Variants in MDC1 observed in about 807,000 individuals in gnomAD.
MDC1 encodes mediator of DNA damage checkpoint 1.
In MDC1, 81 loss-of-function variants were observed where a neutral mutation model predicts 142.5. The observed-to-expected ratio is 0.57, with a 90% CI of 0.47 to 0.68. The LOEUF (loss-of-function observed/expected upper bound fraction) is 0.68. Among genes scored for constraint, MDC1 ranks in the 30% least tolerant of loss-of-function variants. The pLI, the probability that MDC1 is intolerant of heterozygous loss-of-function variation, is 0.00. For missense variants in MDC1, 2,119 were observed against 2,547.9 expected (o/e 0.83, Z 3.62); for synonymous variants, 797 against 968.4 (o/e 0.82, Z 3.29).
chr6:30,703,365 G>A lies in MDC1; in HGVS notation c.5682+53C>T, dbSNP rs542177528. On this transcript the variant is annotated intron_variant, in intron 11 of 14. Coordinates refer to ENST00000376406, the MANE Select transcript of MDC1 (RefSeq NM_014641.3). The surrounding 1 kb of genome is among the most constrained non-coding windows in gnomAD (Gnocchi z 4.4). ...TCTCTACAATCCTCTAGGTCTCCTT[G>A]CATCCTCCCCTCATCTCTGTCTCCC... The A allele has an allele frequency of 3.1e-6, 5 of 1,613,034 alleles. No individual in the cohort carries two copies. The highest frequency in any genetic ancestry group is 2.7e-5 in the African/African-American group (2 of 75,040).
chr6:30,710,785 G>A (rs528742552), intron 7 of MDC1, among the ~76,000 whole-genome samples: 2 of 152,280 alleles, frequency 1.3e-5, no homozygotes, highest in Middle Eastern at 3.4e-3. Context: ...CTGCAATAGT[G>A]TGTGTGTGTT....
chr6:30,703,084 A>G lies in MDC1; in HGVS notation c.5865+20T>C, dbSNP rs1255324743. ...AGTCTTGCCACTATATCGGTCTGTC[A>G]TCATCCCTTGGCCTCTCACCTGATG... On this transcript the variant is annotated intron_variant, in intron 12 of 14. Transcript: ENST00000376406. This position sits in a 1 kb window ranked among gnomAD's most constrained non-coding sequence, Gnocchi z 4.4. 1 of 1,608,682 alleles carries G rather than the reference A, an allele frequency of 6.2e-7. No homozygotes were observed. Among genetic ancestry groups the G allele is most frequent in the Non-Finnish European group, 8.5e-7 (1 of 1,177,126 alleles).
At position 30,700,639 on chromosome 6, in the gene MDC1, A is replaced by T; in HGVS notation, c.6103-7T>A. 2 of 1,612,590 alleles carry T rather than the reference A, an allele frequency of 1.2e-6. No homozygotes were observed. ...TGATCACAACTCTCTGAGGCTGGGG[A>T]AGACAGAGCAAAGGCAAAATCAGGT... On this transcript the variant is annotated splice_polypyrimidine_tract_variant and splice_region_variant and intron_variant, in intron 14 of 14. Coordinates refer to ENST00000376406, the MANE Select transcript of MDC1 (RefSeq NM_014641.3).
At chr6:30,706,546 C>T (rs866275245) in intron 9 of MDC1, among the ~76,000 whole-genome samples, 1 of 146,606 alleles carries the variant, frequency 6.8e-6, no homozygotes, top group South Asian at 2.2e-4. Context: ...GGCGTGAACT[C>T]GGGAGGCGGA....
In MDC1 at chr6:30,715,169, C is replaced by T. The variant is rs753991108; in HGVS notation, c.7G>A (p.Asp3Asn). 6.2e-7 allele frequency: 1 copy of T among 1,614,088 alleles called. No homozygotes were observed. The highest frequency in any genetic ancestry group is 1.1e-5 in the South Asian group (1 of 91,078). ...ACATCCCAGTCAATAGCCTGGGTGT[C>T]CTCCATGATCTGGGAAGGATACACA... ME[D>N]TQAIDWDVEE... The change falls in exon 2 of 15, where the codon GAC becomes AAC. Residue 3 changes from aspartate to asparagine, a missense_variant. By Grantham distance (23) the Asp-to-Asn change is conservative. Coordinates refer to ENST00000376406, the MANE Select transcript of MDC1 (RefSeq NM_014641.3). This position sits in a 1 kb window ranked among gnomAD's most constrained non-coding sequence, Gnocchi z 4.1.
At position 30,700,417 on chromosome 6, in the gene MDC1, A is replaced by T; in HGVS notation, c.*48T>A. 1 of 1,575,234 alleles carries T rather than the reference A, an allele frequency of 6.3e-7. No individual in the cohort carries two copies. Among genetic ancestry groups the T allele is most frequent in the Non-Finnish European group, 8.7e-7 (1 of 1,153,720 alleles). On this transcript the variant is annotated 3_prime_UTR_variant, in exon 15 of 15. Transcript: ENST00000376406. ...TCTAACGCCCTGAGTTCTTTCTTCC[A>T]CATATCTTCTAATTCGTGGTCTGGG...
intron 14 of MDC1, among the ~76,000 whole-genome samples, chr6:30,701,635 A>G (rs1772711167): frequency 1.3e-5 from 2 of 152,196 alleles, no homozygotes; most frequent in Non-Finnish European, 2.9e-5. Flanking sequence ...AGTAAAGATA[A>G]TTAAGAAGAT....
At position 30,716,227 on chromosome 6, in the gene MDC1, C is replaced by CTTTCTTTTTTTTTT. The variant is rs60594424; in HGVS notation, c.-4+1017_-4+1018insAAAAAAAAAAGAAA. Among the ~76,000 whole-genome samples, 1 of 144,382 alleles carries CTTTCTTTTTTTTTT rather than the reference C, an allele frequency of 6.9e-6. No individual in the cohort carries two copies. The highest frequency in any genetic ancestry group is 2.5e-5 in the African/African-American group (1 of 39,542). The allele number at this position is 144,382 out of a possible 152,430, so 94.7% of individuals were successfully genotyped here. ...ATTCAGTTCAAATGTCACTTTCTTT[C>CTTTCTTTTTTTTTT]TTTTTTTTTTTTTTGAGATGGAATC... On this transcript the variant is annotated intron_variant, in intron 1 of 14. Coordinates refer to ENST00000376406, the MANE Select transcript of MDC1 (RefSeq NM_014641.3). This position sits in a 1 kb window ranked among gnomAD's most constrained non-coding sequence, Gnocchi z 4.4.
In MDC1 at chr6:30,704,152, C is replaced by A; in HGVS notation, c.5031G>T (p.Gln1677His). ...DQSVTPEAIA[Q>H]GGQSKTLRSS... ...ACCTCAGTGTTTTGCTCTGACCACC[C>A]TGAGCTATGGCCTCAGGGGTGACGG... Residue 1677 changes from glutamine to histidine, a missense_variant, in exon 10 of 15, where the codon CAG (glutamine) becomes CAT (histidine). Coordinates refer to ENST00000376406, the MANE Select transcript of MDC1 (RefSeq NM_014641.3). 1 of 1,613,690 alleles carries A rather than the reference C, an allele frequency of 6.2e-7. No individual in the cohort carries two copies.
At position 30,715,160 on chromosome 6, in the gene MDC1, C is replaced by T; in HGVS notation, c.16G>A (p.Ala6Thr). 4 of 1,614,094 alleles carry T rather than the reference C, an allele frequency of 2.5e-6. No individual in the cohort carries two copies. Among genetic ancestry groups the T allele is most frequent in the South Asian group, 1.1e-5 (1 of 91,084 alleles). Residue 6 changes from alanine to threonine, a missense_variant, in exon 2 of 15, where the codon GCT (alanine) becomes ACT (threonine). By Grantham distance (58) the Ala-to-Thr change is moderately conservative. Coordinates refer to ENST00000376406, the MANE Select transcript of MDC1 (RefSeq NM_014641.3). This position sits in a 1 kb window ranked among gnomAD's most constrained non-coding sequence, Gnocchi z 4.1. ...TCTTCTTCAACATCCCAGTCAATAG[C>T]CTGGGTGTCCTCCATGATCTGGGAA... MEDTQ[A>T]IDWDVEEEEE...
At chr6:30,702,708 AC>A (rs780850494) in intron 13 of MDC1, 43 bp downstream of exon 13, 2 of 1,612,684 alleles carry the variant, frequency 1.2e-6, no homozygotes, top group Non-Finnish European at 8.5e-7. Context: ...ATTGGGAAGC[AC>A]TGGAGGGAGG....
Position 30,703,538 on chromosome 6 carries a change from C to T in MDC1, c.5563-1G>A, listed in dbSNP as rs769184485. Reference sequence around the variant, plus strand: ...TGCCTGGTTTTGGAGTCACGACATCCTGAGATTGAGAAAAATCTTGGTGGG... The same window carrying T: ...TGCCTGGTTTTGGAGTCACGACATCTTGAGATTGAGAAAAATCTTGGTGGG... On this transcript the variant is annotated splice_acceptor_variant, in intron 10 of 14. Coordinates refer to ENST00000376406, the MANE Select transcript of MDC1 (RefSeq NM_014641.3). LOFTEE classifies it high-confidence loss of function. The surrounding 1 kb of genome is among the most constrained non-coding windows in gnomAD (Gnocchi z 4.4). The T allele has an allele frequency of 6.2e-7, 1 of 1,613,028 alleles. No individual in the cohort carries two copies. Among genetic ancestry groups the T allele is most frequent in the East Asian group, 2.2e-5 (1 of 44,884 alleles).
chr6:30,711,507 G>A lies in MDC1; in HGVS notation c.2129-3C>T. 1 of 1,612,820 alleles carries A rather than the reference G, an allele frequency of 6.2e-7. No homozygotes were observed. Among genetic ancestry groups the A allele is most frequent in the Middle Eastern group, 1.6e-4 (1 of 6,062 alleles). On this transcript the variant is annotated splice_polypyrimidine_tract_variant and splice_region_variant and intron_variant, in intron 6 of 14. Coordinates refer to ENST00000376406, the MANE Select transcript of MDC1 (RefSeq NM_014641.3). The stretch of plus-strand genomic sequence containing the variant: ...TTCATCCTCCATGCTCTGGACTGCT[G>A]TACAGGAAAAGATGGCCTAAGTTCA...
rs1020435038 is a variant in MDC1, at chr6:30,716,085, AC to A, written c.-3-908del. Among the ~76,000 whole-genome samples the A allele has an allele frequency of 9.9e-5, 15 of 152,172 alleles. No homozygotes were observed. Among genetic ancestry groups the A allele is most frequent in the African/African-American group, 3.6e-4 (15 of 41,440 alleles). On this transcript the variant is annotated intron_variant, in intron 1 of 14. Coordinates refer to ENST00000376406, the MANE Select transcript of MDC1 (RefSeq NM_014641.3). This position sits in a 1 kb window ranked among gnomAD's most constrained non-coding sequence, Gnocchi z 4.4. ...CCGCAAAAGCCTATGGTTCAGCCAG[AC>A]ATTTTCCCCAGTCTTCGAACACACT...
intron 7 of MDC1, among the ~76,000 whole-genome samples, chr6:30,710,599 G>A (rs1774709691): frequency 6.6e-6 from 1 of 152,104 alleles, no homozygotes; most frequent in African/African-American, 2.4e-5. Flanking sequence ...GTTTCTCCAT[G>A]TTGGTCAGGC....
At chr6:30,714,513 A>ATT (rs201352106) in intron 2 of MDC1, among the ~76,000 whole-genome samples, 45 of 141,642 alleles carry the variant, frequency 3.2e-4, no homozygotes, top group African/African-American at 9.3e-4. Context: ...ATTTTATTTG[A>ATT]TTTTTTTTTT....
Position 30,715,761 on chromosome 6 carries a change from G to T in MDC1, c.-3-583C>A, listed in dbSNP as rs1464239557. Among the ~76,000 whole-genome samples the T allele has an allele frequency of 6.6e-6, 1 of 152,186 alleles. No homozygotes were observed. Among genetic ancestry groups the T allele is most frequent in the Non-Finnish European group, 1.5e-5 (1 of 68,032 alleles). On this transcript the variant is annotated intron_variant, in intron 1 of 14. Coordinates refer to ENST00000376406, the MANE Select transcript of MDC1 (RefSeq NM_014641.3). This position sits in a 1 kb window ranked among gnomAD's most constrained non-coding sequence, Gnocchi z 4.1. ...TATATAGAAGCTTCCTATGTGTCAA[G>T]CACTGTTCTAATTACTTTATATCGA...
Position 30,701,036 on chromosome 6 carries a change from C to T in MDC1, c.6103-404G>A, listed in dbSNP as rs1388367014. ...CTTGCAGTGAGCCGAGATCGCGCCACTGCACTCCAGCCTGGGCTACAGAGC... is the reference window on the plus strand; with the variant it reads ...CTTGCAGTGAGCCGAGATCGCGCCATTGCACTCCAGCCTGGGCTACAGAGC... On this transcript the variant is annotated intron_variant, in intron 14 of 14. Coordinates refer to ENST00000376406, the MANE Select transcript of MDC1 (RefSeq NM_014641.3). 3.4e-5 allele frequency among the ~76,000 whole-genome samples: 5 copies of T among 146,970 alleles called. No individual in the cohort carries two copies. The South Asian group carries it at 6.5e-4, about 19-fold the overall frequency.
chr6:30,708,289 C>G lies in MDC1; in HGVS notation c.2290G>C (p.Glu764Gln). 6.2e-7 allele frequency: 1 copy of G among 1,612,904 alleles called. No individual in the cohort carries two copies. The highest frequency in any genetic ancestry group is 8.5e-7 in the Non-Finnish European group (1 of 1,180,014). ...AGGTGCGTGTCAAAAGGCTGGGTCT[C>G]AGAGTCCTCAGACTCTCTCAGACAG... is the stretch of plus-strand genomic sequence containing the variant. ...PFCLRESEDS[E>Q]TQPFDTHLEA... Residue 764 changes from glutamate to glutamine, a missense_variant, in exon 8 of 15, where the codon GAG becomes CAG. Transcript: ENST00000376406.
Sources: allele counts gnomAD v4.1 joint callset (sites outside exome capture counted in the v4.1 genomes callset), GRCh38; gene constraint gnomAD v4.1.1; non-coding constraint Gnocchi (gnomAD v3.1); transcripts MANE v1.5; gene names NCBI Gene and HGNC (gene_info 2026-07-23, HGNC 2026-07-21).